HRH1: variants seen among roughly 807,000 people sequenced by gnomAD.
HRH1 encodes histamine H1 receptor.
Under a neutral mutation model 10.3 loss-of-function variants are expected in HRH1, and 6 were observed. The ratio of observed to expected loss-of-function variants is 0.58; its 90% CI spans 0.32 to 1.15. HRH1 has a LOEUF of 1.15. Among genes scored for constraint, HRH1 ranks in the 50% most tolerant of loss-of-function variants. The pLI is 0.05. For synonymous variants in HRH1, 242 were observed against 236.7 expected, an observed-to-expected ratio of 1.02 and a Z score of -0.21; for missense variants, 514 against 615.3, an observed-to-expected ratio of 0.84 and a Z score of 1.74.
intron 1 of HRH1, chr3:11,234,645 G>A: frequency 7.4e-7 from 1 of 1,355,790 alleles, no homozygotes; most frequent in Non-Finnish European, 1.1e-6. Context: ...TTATAAATAT[G>A]ATTCGATCCT....
At chr3:11,229,384 A>T (rs555714075) in intron 1 of HRH1, among the ~76,000 whole-genome samples, 1 of 152,342 alleles carries the variant, frequency 6.6e-6, no homozygotes, top group South Asian at 2.1e-4. Flanking sequence ...AGGAAATGTC[A>T]TACCAACAGC....
intron 1 of HRH1, among the ~76,000 whole-genome samples, chr3:11,139,786 A>G (rs1342796956): frequency 3.9e-5 from 6 of 152,210 alleles, no homozygotes; most frequent in Admixed American, 6.5e-5. Flanking sequence ...ATAGAACTCC[A>G]TTCATATGAA....
In HRH1 at chr3:11,172,846, T is replaced by C. The variant is rs536148051; in HGVS notation, c.-36+18292T>C. On this transcript the variant is annotated intron_variant, in intron 1 of 1. Coordinates refer to ENST00000431010, the MANE Select transcript of HRH1 (RefSeq NM_001098212.2). ...CCTCCTGAGTAGCTGGGACTACAGG[T>C]GCCCGCCTCCACGCCCAGCTAATTT... 2.0e-5 allele frequency among the ~76,000 whole-genome samples: 3 copies of C among 151,900 alleles called. No individual in the cohort carries two copies. The South Asian group carries it at 6.3e-4, about 32-fold the overall frequency.
At chr3:11,209,666 G>T (rs1938258362) in intron 1 of HRH1, among the ~76,000 whole-genome samples, 1 of 142,384 alleles carries the variant, frequency 7.0e-6, no homozygotes, top group Non-Finnish European at 1.6e-5. Context: ...TGAGATCAGG[G>T]TGCCACCATG....
intron 1 of HRH1, among the ~76,000 whole-genome samples, chr3:11,218,211 C>G (rs1314319290): frequency 6.6e-6 from 1 of 152,034 alleles, no homozygotes; most frequent in Non-Finnish European, 1.5e-5. Context: ...CTTTGGGAGG[C>G]CAAGGCGGGT....
rs564906183 is a variant in HRH1 at position 11,148,704 on chromosome 3, T to C, written c.-36+11305T>C. Among the ~76,000 whole-genome samples the C allele has an allele frequency of 5.9e-5, 9 of 152,244 alleles. No homozygotes were observed. The East Asian group carries it at 1.7e-3, about 29-fold the overall frequency. ...CACAACACTTCCCCTCAGATCTCCT[T>C]GGCCAGAATTTGGTCACGTGGCTGC... On this transcript the variant is annotated intron_variant, in intron 1 of 1. Coordinates refer to the HRH1 transcript ENST00000438284.
chr3:11,151,334 C>G (rs565750963), upstream of HRH1, among the ~76,000 whole-genome samples: 1 of 152,290 alleles, frequency 6.6e-6, no homozygotes, highest in African/African-American at 2.4e-5. Context: ...AGAGTCAAGA[C>G]AGAGGGAGAC....
intron 1 of HRH1, among the ~76,000 whole-genome samples, chr3:11,206,081 A>G (rs776298083): frequency 9.9e-5 from 15 of 152,072 alleles, no homozygotes; most frequent in Non-Finnish European, 5.9e-5. Context: ...GGGCTCTTGC[A>G]TGGATTGCCA....
intron 1 of HRH1, among the ~76,000 whole-genome samples, chr3:11,236,518 G>C (rs1184556490): frequency 6.6e-6 from 1 of 152,208 alleles, no homozygotes; most frequent in Non-Finnish European, 1.5e-5. Flanking sequence ...TAGGAACTGT[G>C]TTCATCCGGT....
At chr3:11,217,086 T>C (rs1462848783) in intron 1 of HRH1, among the ~76,000 whole-genome samples, 1 of 151,646 alleles carries the variant, frequency 6.6e-6, no homozygotes, top group Non-Finnish European at 1.5e-5. Flanking sequence ...CTCAGGAGGC[T>C]GAGGCAGCAG....
At chr3:11,177,248 A>AT (rs1937266106) in intron 1 of HRH1, among the ~76,000 whole-genome samples, 1 of 148,796 alleles carries the variant, frequency 6.7e-6, no homozygotes, top group African/African-American at 2.6e-5. Flanking sequence ...TCTAAAATAA[A>AT]TAAATTAAAT....
At chr3:11,186,847 A>G (rs550811685) in intron 1 of HRH1, among the ~76,000 whole-genome samples, 1 of 152,340 alleles carries the variant, frequency 6.6e-6, no homozygotes, top group Admixed American at 6.5e-5. Flanking sequence ...GCAGATAGGA[A>G]TTTAGTATGT....
chr3:11,163,843 C>T (rs1277490454), intron 1 of HRH1, among the ~76,000 whole-genome samples: 1 of 152,132 alleles, frequency 6.6e-6, no homozygotes, highest in East Asian at 1.9e-4. Flanking sequence ...AGGAAGTCTT[C>T]CCTGAATACC....
intron 1 of HRH1, among the ~76,000 whole-genome samples, chr3:11,192,710 G>A (rs1937569074): frequency 6.6e-6 from 1 of 152,134 alleles, no homozygotes; most frequent in Non-Finnish European, 1.5e-5. Flanking sequence ...GCAAGACCCT[G>A]TCTCTAAAAT....
At chr3:11,181,789 G>A (rs1252716947) in intron 1 of HRH1, among the ~76,000 whole-genome samples, 3 of 151,728 alleles carry the variant, frequency 2.0e-5, no homozygotes, top group African/African-American at 4.8e-5. Flanking sequence ...CCGCCACTGC[G>A]CCCAGCTAAT....
At chr3:11,220,520 G>A (rs966451779) in intron 1 of HRH1, among the ~76,000 whole-genome samples, 1 of 152,194 alleles carries the variant, frequency 6.6e-6, no homozygotes, top group African/African-American at 2.4e-5. Flanking sequence ...AGCAAGAGGC[G>A]GTGTGGAGCT....
At chr3:11,242,642 T>C (rs1939380788) in intron 1 of HRH1, among the ~76,000 whole-genome samples, 1 of 152,202 alleles carries the variant, frequency 6.6e-6, no homozygotes, top group African/African-American at 2.4e-5. Context: ...CTCATTTCTC[T>C]TTATTTTCTA....
intron 1 of HRH1, among the ~76,000 whole-genome samples, chr3:11,257,443 C>G (rs1939811318): frequency 6.6e-6 from 1 of 150,438 alleles, no homozygotes; most frequent in Non-Finnish European, 1.5e-5. Context: ...TCCTGTAATC[C>G]CAGCTACTCA....
chr3:11,216,805 A>G (rs1938514508), intron 1 of HRH1, among the ~76,000 whole-genome samples: 2 of 151,974 alleles, frequency 1.3e-5, no homozygotes, highest in Non-Finnish European at 2.9e-5. Flanking sequence ...ACTTGAAGCC[A>G]GGAGGTGGAG....
Sources: allele counts gnomAD v4.1 joint callset (sites outside exome capture counted in the v4.1 genomes callset), GRCh38; gene constraint gnomAD v4.1.1; transcripts MANE v1.5; gene names NCBI Gene and HGNC (gene_info 2026-07-23, HGNC 2026-07-21).